COLEC10: variants seen among roughly 807,000 people sequenced by gnomAD.
The protein encoded by COLEC10 is collectin subfamily member 10.
A neutral mutation model predicts 28.4 loss-of-function variants in COLEC10; 22 were observed. That is an observed-to-expected ratio of 0.78 (90% CI 0.55 to 1.11). COLEC10 has a LOEUF of 1.11. Ranked by LOEUF, COLEC10 falls within the 50% of genes least tolerant of loss-of-function variation. The pLI is 0.00. For synonymous variants in COLEC10, 125 were observed against 116.1 expected (o/e 1.08, Z -0.49); for missense variants, 361 against 344.1 (o/e 1.05, Z -0.39).
At chr8:118,995,440 C>T (rs963133293), upstream of COLEC10, 1 of 152,136 alleles carries the variant, frequency 6.6e-6, no homozygotes, top group African/African-American at 2.4e-5. Context: ...TCCTTGTTAT[C>T]AGTTCATATG....
chr8:119,075,950 G>T (rs1815222104), intron 1 of COLEC10, among the ~76,000 whole-genome samples: 1 of 144,784 alleles, frequency 6.9e-6, no homozygotes, highest in African/African-American at 2.6e-5. Flanking sequence ...ACCTAGGCTG[G>T]AGTGCAGTGG....
chr8:119,027,725 C>A (rs1326895582), intron 2 of COLEC10, among the ~76,000 whole-genome samples: 3 of 152,170 alleles, frequency 2.0e-5, no homozygotes, highest in Non-Finnish European at 4.4e-5. Flanking sequence ...AAAATATCTT[C>A]TTTTCTATGA....
intron 3 of COLEC10, among the ~76,000 whole-genome samples, chr8:119,098,377 A>T (rs79183317): frequency 0.018 from 2,751 of 152,124 alleles, 68 homozygotes; most frequent in African/African-American, 0.055. Flanking sequence ...AAATGATAGG[A>T]TTAACTAACC....
At chr8:119,008,443 A>G (rs758018073) in intron 1 of COLEC10, among the ~76,000 whole-genome samples, 5 of 150,084 alleles carry the variant, frequency 3.3e-5, no homozygotes, top group Non-Finnish European at 5.9e-5. Context: ...GTCTAAGTTG[A>G]CAGAATCATC....
At chr8:119,033,872 C>A (rs1386084920) in intron 2 of COLEC10, among the ~76,000 whole-genome samples, 1 of 151,996 alleles carries the variant, frequency 6.6e-6, no homozygotes, top group African/African-American at 2.4e-5. Flanking sequence ...ACCATCTGAC[C>A]CAGCAATCCT....
intron 1 of COLEC10, among the ~76,000 whole-genome samples, chr8:119,071,827 C>T (rs1193267946): frequency 6.6e-6 from 1 of 152,116 alleles, no homozygotes; most frequent in Non-Finnish European, 1.5e-5. Flanking sequence ...CCATGAAAGA[C>T]CCCCAACATT....
chr8:118,995,292 A>G (rs1198187292), upstream of COLEC10, among the ~76,000 whole-genome samples: 4 of 152,304 alleles, frequency 2.6e-5, no homozygotes, highest in Non-Finnish European at 2.9e-5. Flanking sequence ...TACCAAAAAT[A>G]GCTTGGCCTT....
At chr8:119,083,714 T>A (rs914812079) in intron 1 of COLEC10, among the ~76,000 whole-genome samples, 1 of 152,186 alleles carries the variant, frequency 6.6e-6, no homozygotes, top group Admixed American at 6.5e-5. Context: ...TAGTATAAGA[T>A]TTAATGTAAG....
intron 2 of COLEC10, among the ~76,000 whole-genome samples, chr8:119,054,474 T>A (rs1160970626): frequency 6.6e-6 from 1 of 152,122 alleles, no homozygotes; most frequent in African/African-American, 2.4e-5. Flanking sequence ...TTAGGAAGCA[T>A]GTAAGAGATA....
chr8:119,029,114 C>A lies in COLEC10; in HGVS notation n.235+19561C>A, dbSNP rs911645348. Among the ~76,000 whole-genome samples the A allele has an allele frequency of 3.3e-5, 5 of 152,142 alleles. No individual in the cohort carries two copies. In the South Asian group the frequency reaches 6.2e-4, roughly 19 times the overall value. ...GGGCACCTCACTAGCTGCGGGGAGTCATGCCACAGTGGTTCAGAGCACAGG... is the reference window on the plus strand; with the variant it reads ...GGGCACCTCACTAGCTGCGGGGAGTAATGCCACAGTGGTTCAGAGCACAGG... On this transcript the variant is annotated intron_variant and non_coding_transcript_variant, in intron 2 of 6. Coordinates refer to the COLEC10 transcript ENST00000521788.
the COLEC10 span, among the ~76,000 whole-genome samples, chr8:118,981,326 A>G: frequency 7.2e-5 from 11 of 152,234 alleles, no homozygotes; most frequent in East Asian, 1.9e-3. Context: ...CCTTTACATT[A>G]CTGCAATTTA....
At chr8:118,979,649 A>T in the COLEC10 span, among the ~76,000 whole-genome samples, 3 of 152,170 alleles carry the variant, frequency 2.0e-5, no homozygotes, top group African/African-American at 7.2e-5. Context: ...CCCAGTGTTC[A>T]AGAGCTGGAA....
chr8:119,009,578 T>G (rs1813867337), intron 2 of COLEC10: 1 of 150,776 alleles, frequency 6.6e-6, no homozygotes, highest in Non-Finnish European at 1.5e-5. Flanking sequence ...TCTTCATAAA[T>G]CATCCAGTCT....
chr8:119,079,283 A>G (rs1281187862), intron 1 of COLEC10, among the ~76,000 whole-genome samples: 1 of 152,144 alleles, frequency 6.6e-6, no homozygotes, highest in Non-Finnish European at 1.5e-5. Flanking sequence ...CCTGTGAGGG[A>G]GGCACTTCAT....
At chr8:119,092,822 C>G (rs1322820431) in intron 3 of COLEC10, among the ~76,000 whole-genome samples, 2 of 152,044 alleles carry the variant, frequency 1.3e-5, no homozygotes, top group Non-Finnish European at 2.9e-5. Context: ...ACAAGAATCG[C>G]TTGAACCTGG....
At chr8:118,989,534 T>TACACACACACACACACACACAC in the COLEC10 span, among the ~76,000 whole-genome samples, 1 of 128,660 alleles carries the variant, frequency 7.8e-6, no homozygotes, top group African/African-American at 3.0e-5. Flanking sequence ...ACAGACAAAA[T>TACACACACACACACACACACAC]ACACACACAC....
intron 2 of COLEC10, among the ~76,000 whole-genome samples, chr8:119,035,526 A>G (rs866825194): frequency 6.6e-6 from 1 of 150,678 alleles, no homozygotes; most frequent in African/African-American, 2.5e-5. Flanking sequence ...TGTTATACAG[A>G]TCCCTTCTCA....
chr8:119,071,054 T>A (rs1451612773), intron 1 of COLEC10, among the ~76,000 whole-genome samples: 1 of 152,130 alleles, frequency 6.6e-6, no homozygotes, highest in African/African-American at 2.4e-5. Flanking sequence ...ATCCACTAGT[T>A]TATACTAGTT....
intron 1 of COLEC10, among the ~76,000 whole-genome samples, chr8:119,005,846 A>C (rs1262240912): frequency 6.6e-6 from 1 of 152,028 alleles, no homozygotes. Context: ...GGTAGAAGGA[A>C]AGCTGAGTTA....
Sources: allele counts gnomAD v4.1 joint callset (sites outside exome capture counted in the v4.1 genomes callset), GRCh38; gene constraint gnomAD v4.1.1; transcripts MANE v1.5; gene names NCBI Gene and HGNC (gene_info 2026-07-23, HGNC 2026-07-21).